The following PRRC2B variants were observed in gnomAD, a reference collection of about 807,000 sequenced individuals.
PRRC2B encodes the protein protein PRRC2B.
A neutral mutation model predicts 242.3 loss-of-function variants in PRRC2B; 68 were observed. That is an observed-to-expected ratio of 0.28 (90% CI 0.23 to 0.34). PRRC2B has a LOEUF of 0.34. PRRC2B is among the 10% of genes least tolerant of loss of function. The pLI, the probability that PRRC2B is intolerant of heterozygous loss-of-function variation, is 1.00. For synonymous variants in PRRC2B, 1,228 were observed against 1,173.6 expected (o/e 1.05, Z -0.95); for missense variants, 2,835 against 2,954.8 (o/e 0.96, Z 0.94).
chr9:131,431,416 C>T lies in PRRC2B; in HGVS notation c.115+1157C>T, dbSNP rs192868515. Among the ~76,000 whole-genome samples the T allele has an allele frequency of 2.0e-5, 3 of 152,042 alleles. No individual in the cohort carries two copies. In the East Asian group the frequency reaches 5.9e-4, roughly 30 times the overall value. ...AAGTGCTGGGATTACAGGCGTGAGC[C>T]ACCGTGCCCAGCCTAATTTTGTATT... On this transcript the variant is annotated intron_variant, in intron 2 of 31. Transcript: ENST00000683519.
chr9:131,449,340 G>A (rs1942840466), intron 9 of PRRC2B, among the ~76,000 whole-genome samples: 1 of 151,902 alleles, frequency 6.6e-6, no homozygotes, highest in Admixed American at 6.6e-5. Context: ...TGGTAGGTCT[G>A]GATCTTACAT....
At chr9:131,484,648 C>G in intron 23 of PRRC2B, 38 bp from the exon 24 acceptor site, 1 of 1,530,758 alleles carries the variant, frequency 6.5e-7, no homozygotes, top group Non-Finnish European at 8.9e-7. Context: ...ATCTCTGCAC[C>G]TGTTTGTGTT....
At chr9:131,478,642 G>GGGGGGGGGGGGGGGA in intron 18 of PRRC2B, 23 bp downstream of exon 18, 1 of 482,040 alleles carries the variant, frequency 2.1e-6, no homozygotes, top group Non-Finnish European at 4.2e-6. Context: ...GGGTGGGGGG[G>GGGGGGGGGGGGGGGA]CATGGGGCTG....
At chr9:131,402,113 G>A (rs534577038) in intron 1 of PRRC2B, among the ~76,000 whole-genome samples, 2 of 152,106 alleles carry the variant, frequency 1.3e-5, no homozygotes, top group South Asian at 4.2e-4. Flanking sequence ...GGGATTACAG[G>A]TCTGGCTAAT....
At chr9:131,402,936 CCGGGAAGCCGGCGTCAA>C in intron 1 of PRRC2B, among the ~76,000 whole-genome samples, 1 of 152,206 alleles carries the variant, frequency 6.6e-6, no homozygotes, top group Non-Finnish European at 1.5e-5. Flanking sequence ...GACTGTGCCT[CCGGGAAGCCGGCGTCAA>C]CTTCCCGACA....
rs1401502143 is a variant in PRRC2B at position 131,486,389 on chromosome 9, T to C, written c.5856+207T>C. The C allele has an allele frequency of 4.2e-5, 29 of 683,490 alleles. No homozygotes were observed. The Admixed American group carries it at 1.8e-3, about 43-fold the overall frequency. 42.3% of individuals were successfully genotyped at this position (683,490 alleles called of 1,614,324 possible). On this transcript the variant is annotated intron_variant, in intron 26 of 31. Transcript: ENST00000683519. ...AGGGAAGAGGAGTGGAGTTGGCTGCTCCAGACTCTGCTTAGTTTTCCTTTC... is the reference window on the plus strand; with the variant it reads ...AGGGAAGAGGAGTGGAGTTGGCTGCCCCAGACTCTGCTTAGTTTTCCTTTC...
Position 131,482,207 on chromosome 9 carries a change from C to T in PRRC2B, c.4984-164C>T, listed in dbSNP as rs1006240465. 4.6e-5 allele frequency among the ~76,000 whole-genome samples: 7 copies of T among 152,162 alleles called. No homozygotes were observed. The highest frequency in any genetic ancestry group is 2.6e-4 in the Admixed American group (4 of 15,282). On this transcript the variant is annotated intron_variant, in intron 20 of 31. Coordinates refer to ENST00000683519, the MANE Select transcript of PRRC2B (RefSeq NM_013318.4). This position sits in a 1 kb window ranked among gnomAD's most constrained non-coding sequence, Gnocchi z 5.2. ...ATCGGGGTTGGTGTGTTTGGCCACA[C>T]GTAAGTTGTCAGGCATCCTCAGCAG...
At chr9:131,466,213 C>T (rs988353696) in intron 12 of PRRC2B, among the ~76,000 whole-genome samples, 1 of 152,210 alleles carries the variant, frequency 6.6e-6, no homozygotes, top group African/African-American at 2.4e-5. Context: ...TCCTAGTGCC[C>T]TTCTGGCCAG....
intron 11 of PRRC2B, among the ~76,000 whole-genome samples, chr9:131,463,412 A>G (rs1381253581): frequency 6.6e-6 from 1 of 152,110 alleles, no homozygotes; most frequent in East Asian, 1.9e-4. Flanking sequence ...TGTTACTAGC[A>G]TTCAAAATAG....
intron 1 of PRRC2B, among the ~76,000 whole-genome samples, chr9:131,410,911 T>A (rs1026762980): frequency 6.6e-6 from 1 of 152,168 alleles, no homozygotes; most frequent in Non-Finnish European, 1.5e-5. Flanking sequence ...TAATTTATAT[T>A]TCATTTTTTT....
intron 1 of PRRC2B, among the ~76,000 whole-genome samples, chr9:131,385,110 C>A (rs963763243): frequency 2.6e-5 from 4 of 151,234 alleles, no homozygotes; most frequent in African/African-American, 9.7e-5. Flanking sequence ...TGGGTTCAAG[C>A]GATTCTCCTG....
upstream of PRRC2B, among the ~76,000 whole-genome samples, chr9:131,393,175 A>T (rs1035482742): frequency 3.3e-5 from 5 of 152,140 alleles, no homozygotes; most frequent in African/African-American, 1.2e-4. Context: ...TAGAACAATA[A>T]TATCTGCCCC....
chr9:131,478,637 G>T lies in PRRC2B; in HGVS notation c.4758+18G>T. The T allele has an allele frequency of 1.4e-6, 2 of 1,435,236 alleles. No homozygotes were observed. The highest frequency in any genetic ancestry group is 1.8e-5 in the Admixed American group (1 of 54,580). The allele number at this position is 1,435,236 out of a possible 1,614,324, so 88.9% of individuals were successfully genotyped here. A position where few individuals can be genotyped will look rare whatever the true frequency, so the allele number is the denominator to read the frequency against. On this transcript the variant is annotated intron_variant, in intron 18 of 31. Transcript: ENST00000683519. Reference sequence around the variant, plus strand: ...CCGTGCAGGTGAGGGGCGGAGGGTGGGGGGGCATGGGGCTGGAGGGCAGGC... The same window carrying T: ...CCGTGCAGGTGAGGGGCGGAGGGTGTGGGGGCATGGGGCTGGAGGGCAGGC...
chr9:131,397,296 C>G (rs1837087850), intron 1 of PRRC2B, among the ~76,000 whole-genome samples: 1 of 152,170 alleles, frequency 6.6e-6, no homozygotes, highest in Non-Finnish European at 1.5e-5. Flanking sequence ...TGTGGGCGTC[C>G]CATCTCGTAC....
In PRRC2B at chr9:131,432,713, A is replaced by G; in HGVS notation, c.212A>G (p.Lys71Arg). ...CTGCCAAGCTTGAAGTCTGAAAACA[A>G]AGGAAACGACCCCAACATCGTGATA... ...ANLPSLKSEN[K>R]GNDPNIVIVP... Residue 71 changes from lysine to arginine, a missense_variant, in exon 3 of 32, where the codon AAA (lysine) becomes AGA (arginine). Coordinates refer to ENST00000683519, the MANE Select transcript of PRRC2B (RefSeq NM_013318.4). 6.2e-7 allele frequency: 1 copy of G among 1,614,070 alleles called. No individual in the cohort carries two copies. Among genetic ancestry groups the G allele is most frequent in the Middle Eastern group, 1.6e-4 (1 of 6,062 alleles).
chr9:131,492,895 C>A (rs1335869352), intron 30 of PRRC2B, among the ~76,000 whole-genome samples: 1 of 152,196 alleles, frequency 6.6e-6, no homozygotes, highest in Non-Finnish European at 1.5e-5. Context: ...ACGCTCTGGC[C>A]CTGGGCTCCG....
rs747427483 is a variant in PRRC2B, at chr9:131,475,643, G to C, written c.3514G>C (p.Gly1172Arg). 7 of 1,611,042 alleles carry C rather than the reference G, an allele frequency of 4.3e-6. No homozygotes were observed. The highest frequency in any genetic ancestry group is 1.7e-5 in the Admixed American group (1 of 59,734). Reference sequence around the variant, plus strand: ...GAGGGAGGAGAGCACCTTGAAGAAGGGCGACTGCAGAGATTCTTGGCGGTC... The same window carrying C: ...GAGGGAGGAGAGCACCTTGAAGAAGCGCGACTGCAGAGATTCTTGGCGGTC... ...LEREESTLKKGDCRDSWRSNK... is the reference protein window; with the variant it reads ...LEREESTLKKRDCRDSWRSNK... The change falls in exon 16 of 32, where the codon GGC (glycine) becomes CGC (arginine). Residue 1172 changes from glycine (G) to arginine (R), a missense_variant. This residue lies in a region of PRRC2B where 1,536 missense variants were observed against 1,483.1 expected (regional missense o/e 1.04). Transcript: ENST00000683519.
At chr9:131,403,848 A>G (rs1159615298) in intron 1 of PRRC2B, among the ~76,000 whole-genome samples, 2 of 151,866 alleles carry the variant, frequency 1.3e-5, no homozygotes, top group Non-Finnish European at 2.9e-5. Flanking sequence ...GATATACTAT[A>G]TTGTATTGCA....
chr9:131,373,843 A>G (rs1836648518), intron 1 of PRRC2B: 1 of 152,394 alleles, frequency 6.6e-6, no homozygotes, highest in East Asian at 1.9e-4. Flanking sequence ...GCGGATCACA[A>G]GGTCAGGAGA....
Sources: gnomAD v4.1 joint callset for allele counts (sites outside exome capture counted in the v4.1 genomes callset) on GRCh38, gnomAD v4.1.1 for gene constraint, gnomAD v4.1.1 regional missense constraint, Gnocchi (gnomAD v3.1) non-coding constraint, MANE v1.5 for transcripts, NCBI Gene and HGNC (gene_info 2026-07-23, HGNC 2026-07-21) for gene names.